MEF2A: variants seen among roughly 807,000 people sequenced by gnomAD.
MEF2A encodes the protein myocyte-specific enhancer factor 2A.
MEF2A carries 28 observed loss-of-function variants against 55.8 expected under a neutral mutation model. The observed-to-expected ratio is 0.50, with a 90% confidence interval of 0.37 to 0.69. MEF2A has a LOEUF of 0.69. Among genes scored for constraint, MEF2A ranks in the 30% least tolerant of loss-of-function variants. The probability of loss-of-function intolerance (pLI) is 0.00; values close to 1 mark genes in which losing one functional copy is unlikely to be tolerated. For missense variants in MEF2A, 528 were observed against 626.2 expected (o/e 0.84, Z 1.67); for synonymous variants, 239 against 227.1 (o/e 1.05, Z -0.47).
rs2058967798 is a variant in MEF2A, at chr15:99,714,511, T to C, written c.*1740T>C. 6.6e-6 allele frequency: 1 copy of C among 152,192 alleles called. No individual in the cohort carries two copies. The allele number at this position is 152,192 out of a possible 1,614,324, so 9.4% of individuals were successfully genotyped here. On this transcript the variant is annotated 3_prime_UTR_variant, in exon 12 of 12. Coordinates refer to ENST00000557942, the MANE Select transcript of MEF2A (RefSeq NM_001319206.4). ...CTTTGGTATGCGGGGAGAAACACTC[T>C]TAGGGTGCTGGTCCTTGGCATGACT...
chr15:99,565,538 C>T (rs969317663), upstream of MEF2A: 4 of 151,218 alleles, frequency 2.6e-5, no homozygotes, highest in African/African-American at 9.7e-5. Context: ...CCGGGCCGCC[C>T]CGCCCTGGGA....
intron 3 of MEF2A, among the ~76,000 whole-genome samples, chr15:99,644,103 A>G (rs2045530726): frequency 6.6e-6 from 1 of 152,272 alleles, no homozygotes; most frequent in Non-Finnish European, 1.5e-5. Context: ...GAGCGGTCAT[A>G]TAATACGTGG....
chr15:99,603,038 G>C, intron 2 of MEF2A, among the ~76,000 whole-genome samples: 1 of 152,072 alleles, frequency 6.6e-6, no homozygotes. Flanking sequence ...AATCTGTAGT[G>C]ATATTCCCTC....
At chr15:99,602,514 C>T (rs556728368) in intron 2 of MEF2A, among the ~76,000 whole-genome samples, 124 of 152,222 alleles carry the variant, frequency 8.1e-4, no homozygotes, top group African/African-American at 2.8e-3. Context: ...TATAGGGAAG[C>T]GGCTGATCAC....
chr15:99,650,066 C>T (rs2046594357), intron 4 of MEF2A, among the ~76,000 whole-genome samples: 1 of 152,054 alleles, frequency 6.6e-6, no homozygotes, highest in Non-Finnish European at 1.5e-5. Context: ...ATATCTGGTG[C>T]ACTATTCCCA....
At chr15:99,627,079 G>A (rs1432472962) in intron 2 of MEF2A, among the ~76,000 whole-genome samples, 1 of 152,036 alleles carries the variant, frequency 6.6e-6, no homozygotes, top group Admixed American at 6.6e-5. Context: ...ATGGAAGCTG[G>A]TCTTCAGGGG....
rs1240434415 is a variant in MEF2A, at chr15:99,712,769, T to G, written c.1516T>G (p.Ter506GluextTer14). Reference protein sequence around the residue: ...KRMRMDAWVT* With the variant: ...KRMRMDAWVTE ...AATGAGGATGGACGCGTGGGTGACC[T>G]AAGGCTTCCAAGCTGATGTTTGTAC... is the stretch of plus-strand genomic sequence containing the variant. The change falls in exon 12 of 12, where the codon TAA (stop) becomes GAA (glutamate). Residue 506 changes from the stop codon to glutamate, a stop_lost. Transcript: ENST00000557942. This position sits in a 1 kb window ranked among gnomAD's most constrained non-coding sequence, Gnocchi z 4.1. The G allele has an allele frequency of 1.3e-6, 2 of 1,554,334 alleles. No homozygotes were observed.
intron 1 of MEF2A, among the ~76,000 whole-genome samples, chr15:99,591,646 A>G (rs1333243158): frequency 1.3e-5 from 2 of 151,960 alleles, no homozygotes. Context: ...CAATTACATT[A>G]TGTTTAGGTT....
Position 99,695,541 on chromosome 15 carries a change from TTGTGTGTGTGTGTG to T in MEF2A, c.858+5129_858+5142del, listed in dbSNP as rs3979129. 6.5e-4 allele frequency among the ~76,000 whole-genome samples: 94 copies of T among 144,878 alleles called. 1 individual carries two copies. The highest frequency in any genetic ancestry group is 1.7e-3 in the African/African-American group (66 of 39,918). On this transcript the variant is annotated intron_variant, in intron 8 of 11. Coordinates refer to ENST00000557942, the MANE Select transcript of MEF2A (RefSeq NM_001319206.4). ...AGCGTCAGTTAAAAGATTGTCAGAT[TTGTGTGTGTGTGTG>T]TGTGTGTGTGTGTGTTTCTTAAAAA...
intron 7 of MEF2A, among the ~76,000 whole-genome samples, chr15:99,685,117 GA>G (rs1312824993): frequency 2.6e-5 from 4 of 152,088 alleles, no homozygotes; most frequent in African/African-American, 9.7e-5. Context: ...GTTTGAAATG[GA>G]AATAATGTGA....
At chr15:99,711,137 G>A (rs1172950427) in intron 11 of MEF2A, among the ~76,000 whole-genome samples, 2 of 152,184 alleles carry the variant, frequency 1.3e-5, no homozygotes, top group African/African-American at 4.8e-5. Context: ...ACCTGCCTCT[G>A]GCTGCACTGC....
chr15:99,568,996 CTAA>C (rs1283119673), intron 1 of MEF2A, among the ~76,000 whole-genome samples: 1 of 152,132 alleles, frequency 6.6e-6, no homozygotes, highest in Non-Finnish European at 1.5e-5. Flanking sequence ...GCCTTCTCTC[CTAA>C]TGTTTAAATA....
chr15:99,686,098 C>T (rs1405597596), intron 7 of MEF2A, among the ~76,000 whole-genome samples: 4 of 151,982 alleles, frequency 2.6e-5, no homozygotes, highest in African/African-American at 9.7e-5. Flanking sequence ...TATATTTTTC[C>T]ACCCCTTTAC....
chr15:99,571,068 C>T (rs1962039833), intron 1 of MEF2A, among the ~76,000 whole-genome samples: 1 of 151,952 alleles, frequency 6.6e-6, no homozygotes, highest in Admixed American at 6.6e-5. Flanking sequence ...ACCTGTTATC[C>T]CGCCACTCTG....
intron 1 of MEF2A, among the ~76,000 whole-genome samples, chr15:99,585,557 A>G (rs1966929646): frequency 6.6e-6 from 1 of 152,114 alleles, no homozygotes; most frequent in African/African-American, 2.4e-5. Flanking sequence ...TTACTGTAAT[A>G]TTTGCCTTTC....
At chr15:99,631,289 G>A (rs114811906) in intron 2 of MEF2A, among the ~76,000 whole-genome samples, 1 of 152,178 alleles carries the variant, frequency 6.6e-6, no homozygotes, top group Non-Finnish European at 1.5e-5. Context: ...GCCTACTACA[G>A]TACAAGTGTT....
chr15:99,570,344 C>T (rs2152710098), intron 1 of MEF2A, among the ~76,000 whole-genome samples: 1 of 152,030 alleles, frequency 6.6e-6, no homozygotes, highest in Non-Finnish European at 1.5e-5. Context: ...CTTCCTTACA[C>T]AAAAATACAA....
At chr15:99,700,091 C>G (rs73482408) in intron 8 of MEF2A, among the ~76,000 whole-genome samples, 42,957 of 138,662 alleles carry the variant, frequency 0.31, 8,410 homozygotes, top group African/African-American at 0.55. Flanking sequence ...AACTCCTGAG[C>G]TCAACATCTG....
In MEF2A at chr15:99,674,496, C is replaced by G. The variant is rs2051514573; in HGVS notation, c.494C>G (p.Ser165Cys). 2 of 1,614,008 alleles carry G rather than the reference C, an allele frequency of 1.2e-6. No individual in the cohort carries two copies. The highest frequency in any genetic ancestry group is 1.1e-5 in the South Asian group (1 of 91,084). Residue 165 changes from serine to cysteine, a missense_variant, in exon 6 of 12, where the codon TCT (serine) becomes TGT (cysteine). Physicochemically the swap from Ser to Cys is moderately radical, Grantham distance 112 (BLOSUM62 -1). Coordinates refer to ENST00000557942, the MANE Select transcript of MEF2A (RefSeq NM_001319206.4). Reference protein sequence around the residue: ...TNPGSSLVSPSLAASSTLTDS... With the variant: ...TNPGSSLVSPCLAASSTLTDS... ...CCAGGGAGTTCACTGGTGTCCCCAT[C>G]TTTGGCAGCCAGCTCAACGTTAACA...
Sources: gnomAD v4.1 joint callset for allele counts (sites outside exome capture counted in the v4.1 genomes callset) on GRCh38, gnomAD v4.1.1 for gene constraint, Gnocchi (gnomAD v3.1) non-coding constraint, MANE v1.5 for transcripts, NCBI Gene and HGNC (gene_info 2026-07-23, HGNC 2026-07-21) for gene names.